The following VIT variants were observed in gnomAD, a reference collection of about 807,000 sequenced individuals.
The protein encoded by VIT is vitrin.
In VIT, 99 loss-of-function variants were observed where a neutral mutation model predicts 78.0. That is an observed-to-expected ratio of 1.27 (90% CI 1.08 to 1.50). The LOEUF (loss-of-function observed/expected upper bound fraction) is 1.50, where lower values mean the gene tolerates loss of function less well. Ranked by LOEUF, VIT falls within the 40% of genes most tolerant of loss-of-function variation. The pLI is 0.00. For missense variants in VIT, 1,126 were observed against 875.3 expected (o/e 1.29, Z -3.61); for synonymous variants, 374 against 334.3 (o/e 1.12, Z -1.29).
intron 12 of VIT, among the ~76,000 whole-genome samples, chr2:36,793,852 CAGAAT>C (rs1161528690): frequency 6.6e-6 from 1 of 152,156 alleles, no homozygotes; most frequent in Non-Finnish European, 1.5e-5. Flanking sequence ...GGGGCTTAAA[CAGAAT>C]AGGTACTTTA....
intron 3 of VIT, among the ~76,000 whole-genome samples, chr2:36,738,270 C>G (rs767595545): frequency 1.3e-5 from 2 of 152,160 alleles, no homozygotes; most frequent in Non-Finnish European, 2.9e-5. Flanking sequence ...CCAGGTGGAG[C>G]TGGCAAAGCT....
intron 12 of VIT, among the ~76,000 whole-genome samples, chr2:36,799,760 C>T (rs1293344610): frequency 6.6e-6 from 1 of 151,882 alleles, no homozygotes; most frequent in Non-Finnish European, 1.5e-5. Flanking sequence ...ACTTAGTAGC[C>T]TCTATGGCTA....
At chr2:36,790,622 A>G (rs1468720647) in intron 12 of VIT, among the ~76,000 whole-genome samples, 2 of 152,222 alleles carry the variant, frequency 1.3e-5, no homozygotes, top group African/African-American at 2.4e-5. Context: ...TGACTTTCCC[A>G]AGAACACACA....
intron 4 of VIT, among the ~76,000 whole-genome samples, chr2:36,749,621 C>T (rs1461039680): frequency 6.6e-6 from 1 of 152,148 alleles, no homozygotes; most frequent in Non-Finnish European, 1.5e-5. Context: ...TTTTCTAAAG[C>T]CATACTATTA....
At chr2:36,786,936 C>G (rs1227289419) in intron 11 of VIT, among the ~76,000 whole-genome samples, 193 bp from the exon 12 acceptor site, 1 of 152,196 alleles carries the variant, frequency 6.6e-6, no homozygotes, top group South Asian at 2.1e-4. Context: ...AAGGACTAGC[C>G]TAAGTGTCCA....
In VIT at chr2:36,794,068, C is replaced by T. The variant is rs547300158; in HGVS notation, c.1058+6792C>T. On this transcript the variant is annotated intron_variant, in intron 12 of 15. Transcript: ENST00000379242. Reference sequence around the variant, plus strand: ...CTGATGATCCATCCAATTTCCCTGTCCCTAGCCCTCAAGCCTTCCTAGGAA... The same window carrying T: ...CTGATGATCCATCCAATTTCCCTGTTCCTAGCCCTCAAGCCTTCCTAGGAA... Among the ~76,000 whole-genome samples, 4 of 152,332 alleles carry T rather than the reference C, an allele frequency of 2.6e-5. No homozygotes were observed. The South Asian group carries it at 6.2e-4, about 24-fold the overall frequency.
At chr2:36,725,259 G>A (rs1388207418) in intron 2 of VIT, among the ~76,000 whole-genome samples, 2 of 152,198 alleles carry the variant, frequency 1.3e-5, no homozygotes, top group South Asian at 2.1e-4. Context: ...GTTAGCTAGT[G>A]TCTTAGTTCA....
At chr2:36,767,959 T>G (rs1037939739) in intron 7 of VIT, among the ~76,000 whole-genome samples, 1 of 152,202 alleles carries the variant, frequency 6.6e-6, no homozygotes, top group Non-Finnish European at 1.5e-5. Context: ...GTCTTAGCAA[T>G]GTTTTCTGAA....
In VIT at chr2:36,773,836, G is replaced by C. The variant is rs781005130; in HGVS notation, c.725G>C (p.Arg242Thr). The change falls in exon 8 of 16, where the codon AGA becomes ACA. Residue 242 changes from arginine to threonine, a missense_variant. Arg to Thr is a moderately conservative substitution (Grantham distance 71). Transcript: ENST00000379242. ...TACACAAGCAGCCAAAACAGGCCCAGAGCTGATCCAGGTAAGACCTTAAAC... is the reference window on the plus strand; with the variant it reads ...TACACAAGCAGCCAAAACAGGCCCACAGCTGATCCAGGTAAGACCTTAAAC... Reference protein sequence around the residue: ...ATYTSSQNRPRADPGIQRQDP... With the variant: ...ATYTSSQNRPTADPGIQRQDP... 1.2e-5 allele frequency: 19 copies of C among 1,601,904 alleles called. No individual in the cohort carries two copies. The highest frequency in any genetic ancestry group is 9.0e-5 in the East Asian group (4 of 44,612).
intron 5 of VIT, 27 bp from the exon 6 acceptor site, chr2:36,758,942 C>T (rs775014899): frequency 6.3e-7 from 1 of 1,584,774 alleles, no homozygotes; most frequent in Non-Finnish European, 8.6e-7. Flanking sequence ...AGAAATAAAT[C>T]TCGTTTTTTT....
intron 6 of VIT, among the ~76,000 whole-genome samples, chr2:36,761,737 C>T (rs1354967378): frequency 6.6e-6 from 1 of 151,256 alleles, no homozygotes; most frequent in Non-Finnish European, 1.5e-5. Flanking sequence ...GAGACTCCAT[C>T]TAAAAAAAAA....
intron 2 of VIT, among the ~76,000 whole-genome samples, chr2:36,717,602 G>GAGC (rs1666248113): frequency 6.6e-6 from 1 of 152,100 alleles, no homozygotes; most frequent in South Asian, 2.1e-4. Flanking sequence ...GGCCCTTGAA[G>GAGC]AGCAGTAGGT....
chr2:36,797,301 A>G (rs1230531572), intron 12 of VIT, among the ~76,000 whole-genome samples: 1 of 152,208 alleles, frequency 6.6e-6, no homozygotes, highest in Non-Finnish European at 1.5e-5. Context: ...AAACACTTAG[A>G]GCCAACTGGA....
intron 7 of VIT, among the ~76,000 whole-genome samples, chr2:36,769,750 C>T (rs376400247): frequency 1.2e-4 from 18 of 152,236 alleles, no homozygotes; most frequent in Middle Eastern, 3.4e-3. Context: ...TTCGTATATT[C>T]ATAGGGTTGT....
chr2:36,767,244 T>A lies in VIT; in HGVS notation c.638T>A (p.Ile213Asn), dbSNP rs1000916013. The A allele has an allele frequency of 4.4e-6, 7 of 1,593,562 alleles. No homozygotes were observed. Among genetic ancestry groups the A allele is most frequent in the Non-Finnish European group, 6.0e-6 (7 of 1,170,942 alleles). Residue 213 changes from isoleucine to asparagine, a missense_variant, in exon 7 of 16, where the codon ATC (isoleucine) becomes AAC (asparagine). Ile to Asn is a moderately radical substitution (Grantham distance 149). Transcript: ENST00000379242. Reference sequence around the variant, plus strand: ...CCTTCTGCTGCTTCTACCACCAGCATCCCCAGACCACAATCAGTGGGCCAC... The same window carrying A: ...CCTTCTGCTGCTTCTACCACCAGCAACCCCAGACCACAATCAGTGGGCCAC... ...PSPSAASTTSIPRPQSVGHRS... is the reference protein window; with the variant it reads ...PSPSAASTTSNPRPQSVGHRS...
In VIT at chr2:36,758,825, G is replaced by T. The variant is rs1371359866; in HGVS notation, c.410-144G>T. 2.0e-5 allele frequency: 15 copies of T among 741,878 alleles called. No individual in the cohort carries two copies. In the East Asian group the frequency reaches 3.8e-4, roughly 19 times the overall value. 46.0% of individuals were successfully genotyped at this position (741,878 alleles called of 1,614,324 possible). Reference sequence around the variant, plus strand: ...CAAAATGCCACATGACATTCTCATTGTAATCAACTATTCAGCATGAGGGAG... The same window carrying T: ...CAAAATGCCACATGACATTCTCATTTTAATCAACTATTCAGCATGAGGGAG... On this transcript the variant is annotated intron_variant, in intron 5 of 15. Transcript: ENST00000379242.
chr2:36,789,631 T>C (rs2148639074), intron 12 of VIT, among the ~76,000 whole-genome samples: 1 of 152,258 alleles, frequency 6.6e-6, no homozygotes, highest in East Asian at 1.9e-4. Flanking sequence ...GATGGTCCCC[T>C]TCAATCCCCG....
At chr2:36,735,023 G>A (rs1055632042) in intron 3 of VIT, among the ~76,000 whole-genome samples, 1 of 152,130 alleles carries the variant, frequency 6.6e-6, no homozygotes, top group Non-Finnish European at 1.5e-5. Flanking sequence ...AATTTGCCGG[G>A]CGTGGTGGCA....
Position 36,814,399 on chromosome 2 carries a change from C to A in VIT, c.*38C>A, listed in dbSNP as rs904396969. ...CAGAGCACCAGCAAGTGCTGCTTTA[C>A]TAACTGACGTGTTGGACCACCCCAC... On this transcript the variant is annotated 3_prime_UTR_variant, in exon 16 of 16. Coordinates refer to ENST00000379242, the MANE Select transcript of VIT (RefSeq NM_053276.4). 5 of 1,608,854 alleles carry A rather than the reference C, an allele frequency of 3.1e-6. No homozygotes were observed. The highest frequency in any genetic ancestry group is 1.1e-5 in the South Asian group (1 of 90,496).
Sources: allele counts gnomAD v4.1 joint callset (sites outside exome capture counted in the v4.1 genomes callset), GRCh38; gene constraint gnomAD v4.1.1; transcripts MANE v1.5; gene names NCBI Gene and HGNC (gene_info 2026-07-23, HGNC 2026-07-21).